WDR7: variants seen among roughly 807,000 people sequenced by gnomAD.
WDR7 encodes WD repeat-containing protein 7.
Under a neutral mutation model 169.4 loss-of-function variants are expected in WDR7, and 46 were observed. The observed-to-expected ratio is 0.27, with a 90% CI of 0.21 to 0.35. WDR7 has a LOEUF of 0.35. Among genes scored for constraint, WDR7 ranks in the 10% least tolerant of loss-of-function variants. The pLI is 1.00. For missense variants in WDR7, 1,534 were observed against 1,859.3 expected (o/e 0.83, Z 3.22); for synonymous variants, 612 against 666.8 (o/e 0.92, Z 1.27).
intron 12 of WDR7, among the ~76,000 whole-genome samples, chr18:56,710,398 T>C (rs1191975955): frequency 2.0e-5 from 3 of 152,206 alleles, no homozygotes; most frequent in Admixed American, 1.3e-4. Context: ...CTGTGCATAT[T>C]GCATCTTCAT....
chr18:56,780,502 T>C (rs1309500021), intron 18 of WDR7, among the ~76,000 whole-genome samples: 1 of 152,188 alleles, frequency 6.6e-6, no homozygotes, highest in East Asian at 1.9e-4. Flanking sequence ...ATTTAGATGC[T>C]GCTAAGTTAT....
chr18:56,917,157 G>A (rs2028117), intron 21 of WDR7, among the ~76,000 whole-genome samples: 123,218 of 151,872 alleles, frequency 0.81, 50,464 homozygotes, highest in East Asian at 0.98. Flanking sequence ...AGATCATGCC[G>A]TTGCACTCCA....
chr18:56,732,859 A>G (rs1320377678), intron 14 of WDR7, among the ~76,000 whole-genome samples: 1 of 152,324 alleles, frequency 6.6e-6, no homozygotes. Flanking sequence ...GATTTTGAGC[A>G]AATTTATAAA....
intron 21 of WDR7, among the ~76,000 whole-genome samples, chr18:56,914,894 C>T (rs1343505463): frequency 6.6e-6 from 1 of 152,114 alleles, no homozygotes; most frequent in Non-Finnish European, 1.5e-5. Context: ...CATGACACAA[C>T]TTAATTTGAA....
chr18:56,777,273 C>G (rs2044254729), intron 17 of WDR7, among the ~76,000 whole-genome samples: 1 of 152,126 alleles, frequency 6.6e-6, no homozygotes. Context: ...TTGTGTATGC[C>G]AGTTAGAGGG....
intron 14 of WDR7, among the ~76,000 whole-genome samples, chr18:56,733,794 AT>A (rs2026637818): frequency 6.6e-6 from 1 of 152,084 alleles, no homozygotes; most frequent in Non-Finnish European, 1.5e-5. Context: ...CTCTTATGAC[AT>A]GTATTTTTTT....
At chr18:56,688,920 G>T (rs139076235) in intron 7 of WDR7, among the ~76,000 whole-genome samples, 39 of 152,194 alleles carry the variant, frequency 2.6e-4, no homozygotes, top group Non-Finnish European at 4.7e-4. Flanking sequence ...GACAACTCAC[G>T]TAGTCAGAGG....
At chr18:56,755,021 C>T (rs531163354) in intron 14 of WDR7, among the ~76,000 whole-genome samples, 1 of 152,142 alleles carries the variant, frequency 6.6e-6, no homozygotes, top group South Asian at 2.1e-4. Flanking sequence ...ATTTACTTGA[C>T]AACCAATTTG....
intron 21 of WDR7, among the ~76,000 whole-genome samples, chr18:56,880,931 C>G (rs2046098299): frequency 6.6e-6 from 1 of 152,132 alleles, no homozygotes; most frequent in Non-Finnish European, 1.5e-5. Context: ...AAAATTATTT[C>G]TAATAAATTG....
chr18:56,879,238 C>A lies in WDR7; in HGVS notation c.3305-706C>A, dbSNP rs529980790. Among the ~76,000 whole-genome samples the A allele has an allele frequency of 1.4e-3, 217 of 152,234 alleles. 3 individuals are homozygous for A. The South Asian group carries it at 0.02, about 14-fold the overall frequency. ...GTAGTTGTGCCATTTTTATCATGCC[C>A]AACAACAAAGCATGAGGGTTTCCAT... On this transcript the variant is annotated intron_variant, in intron 20 of 27. Coordinates refer to ENST00000254442, the MANE Select transcript of WDR7 (RefSeq NM_015285.3).
At chr18:57,007,458 T>A (rs1170629835) in intron 26 of WDR7, among the ~76,000 whole-genome samples, 1 of 152,190 alleles carries the variant, frequency 6.6e-6, no homozygotes, top group Non-Finnish European at 1.5e-5. Context: ...TGGCAAGTAT[T>A]TGTAGATTAA....
intron 19 of WDR7, 72 bp downstream of exon 19, chr18:56,781,728 A>G (rs758874156): frequency 1.6e-5 from 22 of 1,372,176 alleles, no homozygotes; most frequent in Non-Finnish European, 2.0e-5. Context: ...TCACAAATAT[A>G]TATGCTACTA....
At chr18:56,758,138 T>G (rs1409050946) in intron 15 of WDR7, among the ~76,000 whole-genome samples, 1 of 152,192 alleles carries the variant, frequency 6.6e-6, no homozygotes. Flanking sequence ...TTTTAATATT[T>G]CCAGAATACT....
chr18:56,731,040 C>A (rs2026574285), intron 13 of WDR7, among the ~76,000 whole-genome samples: 3 of 152,068 alleles, frequency 2.0e-5, no homozygotes, highest in Non-Finnish European at 2.9e-5. Flanking sequence ...AAGGTCAAAT[C>A]ATAGATTTTA....
chr18:56,938,823 G>GTGTC, intron 24 of WDR7, 141 bp downstream of exon 24: 1 of 871,030 alleles, frequency 1.1e-6, no homozygotes, highest in African/African-American at 1.8e-5. Flanking sequence ...GTGTGTGTGT[G>GTGTC]TGTGTGTGTG....
intron 13 of WDR7, among the ~76,000 whole-genome samples, chr18:56,719,286 G>C (rs567290479): frequency 6.6e-6 from 1 of 152,046 alleles, no homozygotes; most frequent in South Asian, 2.1e-4. Context: ...ATTGCTGGCC[G>C]GGCGCGGTGG....
At chr18:56,959,208 TG>T (rs1350073381) in intron 25 of WDR7, among the ~76,000 whole-genome samples, 1 of 151,908 alleles carries the variant, frequency 6.6e-6, no homozygotes, top group African/African-American at 2.4e-5. Flanking sequence ...AACCCCCAAA[TG>T]GGAACCCCTT....
At chr18:56,833,064 C>T (rs1246798440) in intron 20 of WDR7, among the ~76,000 whole-genome samples, 1 of 151,416 alleles carries the variant, frequency 6.6e-6, no homozygotes, top group African/African-American at 2.4e-5. Flanking sequence ...GTGTTCTAAC[C>T]CAATACAAGG....
intron 16 of WDR7, among the ~76,000 whole-genome samples, chr18:56,769,774 A>C (rs180924792): frequency 5.6e-4 from 85 of 152,322 alleles, no homozygotes; most frequent in African/African-American, 2.0e-3. Context: ...CTCAGGAAAG[A>C]GTTATATAAA....
Sources: gnomAD v4.1 joint callset for allele counts (sites outside exome capture counted in the v4.1 genomes callset) on GRCh38, gnomAD v4.1.1 for gene constraint, MANE v1.5 for transcripts, NCBI Gene and HGNC (gene_info 2026-07-23, HGNC 2026-07-21) for gene names.